Variants in FKBP9 observed in about 807,000 individuals in gnomAD.
FKBP9 encodes the protein FKBP prolyl isomerase 9, also known as peptidyl-prolyl cis-trans isomerase FKBP9.
A neutral mutation model predicts 55.6 loss-of-function variants in FKBP9; 27 were observed. That is an observed-to-expected ratio of 0.49 (90% CI 0.36 to 0.67). The LOEUF (loss-of-function observed/expected upper bound fraction) is 0.67. FKBP9 is among the 30% of genes least tolerant of loss of function. The pLI is 0.00. For synonymous variants in FKBP9, 267 were observed against 296.5 expected (o/e 0.90, Z 1.02); for missense variants, 539 against 742.8 (o/e 0.73, Z 3.19).
At chr7:32,962,298 G>A (rs1024429364) in intron 1 of FKBP9, among the ~76,000 whole-genome samples, 52 of 152,266 alleles carry the variant, frequency 3.4e-4, no homozygotes, top group African/African-American at 1.3e-3. Context: ...GGAGGCTGAG[G>A]CAGGAGAATC....
In FKBP9 at chr7:33,002,690, G is replaced by A. The variant is rs753065980; in HGVS notation, c.1387G>A (p.Gly463Ser). ...CACCTGGACAGATGGAGAAGTGCCC[G>A]GCAGTGCCGTATTAGTGTTTGACAT... Reference protein sequence around the residue: ...GEAGVDGEVPGSAVLVFDIEL... With the variant: ...GEAGVDGEVPSSAVLVFDIEL... Residue 463 changes from glycine to serine, a missense_variant, in exon 9 of 10, where the codon GGC becomes AGC. Transcript: ENST00000242209. 13 of 1,613,784 alleles carry A rather than the reference G, an allele frequency of 8.1e-6. No homozygotes were observed. The highest frequency in any genetic ancestry group is 1.6e-4 in the Middle Eastern group (1 of 6,080).
intron 1 of FKBP9, among the ~76,000 whole-genome samples, chr7:32,961,168 A>G (rs1330970104): frequency 6.6e-6 from 1 of 152,162 alleles, no homozygotes; most frequent in Non-Finnish European, 1.5e-5. Flanking sequence ...GGAGGTTAGG[A>G]TGGAATCCTG....
At chr7:32,988,361 C>T (rs1784615298) in intron 5 of FKBP9, 146 bp from the exon 6 acceptor site, 4 of 735,088 alleles carry the variant, frequency 5.4e-6, no homozygotes. Flanking sequence ...AGCATGTTTC[C>T]TGGCTGTGTC....
At chr7:32,979,201 G>A (rs182939568) in intron 4 of FKBP9, among the ~76,000 whole-genome samples, 152 of 152,160 alleles carry the variant, frequency 1.0e-3, no homozygotes, top group African/African-American at 3.5e-3. Context: ...CCCAGGAGGC[G>A]AAGGTTGCAG....
Position 33,005,478 on chromosome 7 carries a change from A to G in FKBP9, c.*127A>G. The G allele has an allele frequency of 2.0e-6, 2 of 995,938 alleles. No homozygotes were observed. The allele number at this position is 995,938 out of a possible 1,614,324, so 61.7% of individuals were successfully genotyped here. A position where few individuals can be genotyped will look rare whatever the true frequency, so the allele number is the denominator to read the frequency against. ...TTAGCCAGTAGTAGGTGGGTCACAT[A>G]GTACCTGGTGTACACATCGGGGTGG... is the stretch of plus-strand genomic sequence containing the variant. On this transcript the variant is annotated 3_prime_UTR_variant, in exon 10 of 10. Transcript: ENST00000242209.
intron 6 of FKBP9, among the ~76,000 whole-genome samples, chr7:32,991,165 G>A (rs1404827799): frequency 1.3e-5 from 2 of 152,196 alleles, no homozygotes; most frequent in Non-Finnish European, 2.9e-5. Context: ...TGAAAAGAAT[G>A]CATTGATGGA....
At chr7:32,959,456 G>C (rs34013799) in intron 1 of FKBP9, among the ~76,000 whole-genome samples, 45,619 of 152,102 alleles carry the variant, frequency 0.3, 8,201 homozygotes, top group African/African-American at 0.5. Context: ...CAGCTTTATT[G>C]AGATATAATG....
In FKBP9 at chr7:32,957,716, C is replaced by A. The variant is rs757936236; in HGVS notation, c.143C>A (p.Pro48Gln). The change falls in exon 1 of 10, where the codon CCG becomes CAG. Residue 48 changes from proline (P) to glutamine (Q), a missense_variant. Around this residue, in one of 4 missense-constraint regions of FKBP9, gnomAD observed 236 missense variants for 271.5 expected, o/e 0.87. Coordinates refer to ENST00000242209, the MANE Select transcript of FKBP9 (RefSeq NM_007270.5). ...CGGCGCTTCGTGCCCGACGAGTGCC[C>A]GCGCACCGTGCGCAGCGGCGACTTC... ...IERRFVPDEC[P>Q]RTVRSGDFVR... 7 of 1,531,664 alleles carry A rather than the reference C, an allele frequency of 4.6e-6. No individual in the cohort carries two copies. The highest frequency in any genetic ancestry group is 2.6e-5 in the East Asian group (1 of 37,912). 94.9% of individuals were successfully genotyped at this position (1,531,664 alleles called of 1,614,324 possible).
At chr7:32,993,551 G>A (rs1034088403) in intron 6 of FKBP9, among the ~76,000 whole-genome samples, 12 of 152,278 alleles carry the variant, frequency 7.9e-5, no homozygotes, top group Middle Eastern at 6.8e-3. Context: ...CAAGCTGGGC[G>A]CGGTGGCTCA....
At chr7:32,974,484 G>C in intron 1 of FKBP9, 133 bp from the exon 2 acceptor site, 2 of 676,508 alleles carry the variant, frequency 3.0e-6, no homozygotes, top group Admixed American at 5.2e-5. Context: ...TCCTGTATCA[G>C]TAACTCCTAG....
chr7:32,990,023 G>A (rs1478911780), intron 6 of FKBP9, among the ~76,000 whole-genome samples: 1 of 151,096 alleles, frequency 6.6e-6, no homozygotes, highest in Non-Finnish European at 1.5e-5. Context: ...AGACAGACAT[G>A]GTCTTGCTAT....
At chr7:32,982,215 T>A (rs1176475390) in intron 5 of FKBP9, among the ~76,000 whole-genome samples, 1 of 152,034 alleles carries the variant, frequency 6.6e-6, no homozygotes, top group Non-Finnish European at 1.5e-5. Context: ...GAAACGGGGT[T>A]TCACCATATT....
intron 1 of FKBP9, among the ~76,000 whole-genome samples, chr7:32,972,936 G>A (rs1319082830): frequency 6.6e-6 from 1 of 152,116 alleles, no homozygotes; most frequent in African/African-American, 2.4e-5. Context: ...TGGCCAGGCT[G>A]GTCTCGAACT....
chr7:32,980,030 C>T (rs936724579), intron 4 of FKBP9, among the ~76,000 whole-genome samples: 1 of 152,196 alleles, frequency 6.6e-6, no homozygotes, highest in Admixed American at 6.6e-5. Context: ...TATTCACAAA[C>T]AGAAACCCAC....
intron 1 of FKBP9, among the ~76,000 whole-genome samples, chr7:32,959,607 C>T (rs1020711439): frequency 2.6e-5 from 4 of 152,176 alleles, no homozygotes; most frequent in Non-Finnish European, 5.9e-5. Context: ...ATCAGTCACT[C>T]CCCAACCCCA....
intron 1 of FKBP9, among the ~76,000 whole-genome samples, chr7:32,969,097 T>A (rs1784205320): frequency 6.6e-6 from 1 of 152,202 alleles, no homozygotes; most frequent in South Asian, 2.1e-4. Context: ...TGGATTATTT[T>A]GTGGTCGTTG....
chr7:33,000,191 G>A lies in FKBP9; in HGVS notation c.1303G>A (p.Glu435Lys). 6.2e-7 allele frequency: 1 copy of A among 1,613,798 alleles called. No homozygotes were observed. Among genetic ancestry groups the A allele is most frequent in the East Asian group, 2.2e-5 (1 of 44,832 alleles). ...GTTGGGGATGGACATGGGTCTCAGA[G>A]AGATGTGCGTTGGCGAGAAACGGAC... ...VVLGMDMGLR[E>K]MCVGEKRTVI... is the part of the protein sequence containing the mutation. Residue 435 changes from glutamate (E) to lysine (K), a missense_variant, in exon 8 of 10, where the codon GAG becomes AAG. Glu to Lys is a moderately conservative substitution (Grantham distance 56, BLOSUM62 1). Transcript: ENST00000242209.
At chr7:32,976,617 A>G in intron 4 of FKBP9, 118 bp downstream of exon 4, 2 of 1,407,324 alleles carry the variant, frequency 1.4e-6, no homozygotes, top group South Asian at 1.4e-5. Flanking sequence ...TACACTGGCC[A>G]ATATGGTAAC....
intron 9 of FKBP9, among the ~76,000 whole-genome samples, chr7:33,003,320 C>T (rs1784967394): frequency 6.6e-6 from 1 of 152,200 alleles, no homozygotes; most frequent in African/African-American, 2.4e-5. Flanking sequence ...CAGCTCCCTG[C>T]CTCTTCCACA....
Sources: allele counts gnomAD v4.1 joint callset (sites outside exome capture counted in the v4.1 genomes callset), GRCh38; gene constraint gnomAD v4.1.1; regional missense constraint gnomAD v4.1.1; transcripts MANE v1.5; gene names NCBI Gene and HGNC (gene_info 2026-07-23, HGNC 2026-07-21).